The following IL1RAPL2 variants were observed in gnomAD, a reference collection of about 807,000 sequenced individuals.
IL1RAPL2 encodes interleukin 1 receptor accessory protein like 2.
In IL1RAPL2, 3 loss-of-function variants were observed where a neutral mutation model predicts 44.1. The observed-to-expected ratio is 0.07, with a 90% CI of 0.03 to 0.18. The LOEUF (loss-of-function observed/expected upper bound fraction) is 0.18. Among genes scored for constraint, IL1RAPL2 ranks in the 10% least tolerant of loss-of-function variants. The pLI is 1.00. For missense variants in IL1RAPL2, 391 were observed against 496.4 expected (o/e 0.79, Z 2.02); for synonymous variants, 181 against 178.8 (o/e 1.01, Z -0.10).
intron 6 of IL1RAPL2, among the ~76,000 whole-genome samples, chrX:105,670,928 TA>T (rs1404118198): frequency 9.4e-6 from 1 of 106,740 alleles, no homozygotes; most frequent in Admixed American, 1.0e-4. Context: ...CATATATACA[TA>T]ATATATAATA....
chrX:105,472,628 G>A (rs2036172531), intron 5 of IL1RAPL2, among the ~76,000 whole-genome samples: 1 of 111,478 alleles, frequency 9.0e-6, no homozygotes, highest in South Asian at 3.7e-4. Flanking sequence ...TTGGAACTAT[G>A]AGCAGTCATA....
intron 6 of IL1RAPL2, among the ~76,000 whole-genome samples, chrX:105,523,521 G>T (rs1248210680): frequency 9.0e-6 from 1 of 111,333 alleles, no homozygotes; most frequent in Non-Finnish European, 1.9e-5. Flanking sequence ...GTAATAATTG[G>T]TATTTGTTTT....
chrX:104,601,280 C>T (rs1444770005), intron 1 of IL1RAPL2, among the ~76,000 whole-genome samples: 1 of 110,025 alleles, frequency 9.1e-6, no homozygotes, highest in African/African-American at 3.3e-5. Context: ...CTCCCCCTCC[C>T]CCTACCCCAC....
chrX:105,171,243 G>A (rs940824146), intron 2 of IL1RAPL2, among the ~76,000 whole-genome samples: 1 of 110,996 alleles, frequency 9.0e-6, no homozygotes, highest in Non-Finnish European at 1.9e-5. Context: ...ACAACACTTC[G>A]AGTAGGTATC....
intron 5 of IL1RAPL2, among the ~76,000 whole-genome samples, chrX:105,397,267 C>T (rs2035570550): frequency 1.8e-5 from 2 of 110,608 alleles, no homozygotes; most frequent in South Asian, 7.8e-4. Flanking sequence ...ACACTTGAGT[C>T]ATTCTGAAAC....
At chrX:105,114,245 A>T (rs1163989261) in intron 2 of IL1RAPL2, among the ~76,000 whole-genome samples, 1 of 111,667 alleles carries the variant, frequency 9.0e-6, no homozygotes, top group Non-Finnish European at 1.9e-5. Context: ...TCTGTGGGGG[A>T]GGAAGCCCTC....
intron 2 of IL1RAPL2, among the ~76,000 whole-genome samples, chrX:104,752,289 G>T (rs1241553975): frequency 9.1e-6 from 1 of 110,485 alleles, no homozygotes; most frequent in Non-Finnish European, 1.9e-5. Flanking sequence ...GAGTGTGTGT[G>T]TGTGTGTGTG....
rs748195238 is a variant in IL1RAPL2, at chrX:105,318,092, C to T, written c.697+50551C>T. On this transcript the variant is annotated intron_variant, in intron 5 of 10. Transcript: ENST00000372582. ...GGTTCACGCCATTCTCCTGCCTCAG[C>T]CTCCCGAGTAGCTGGGACTACAGGC... Among the ~76,000 whole-genome samples the T allele has an allele frequency of 1.1e-4, 12 of 109,780 alleles. No homozygotes were observed. The South Asian group carries it at 4.0e-3, about 36-fold the overall frequency.
At chrX:104,713,974 G>C (rs1192619205) in intron 2 of IL1RAPL2, among the ~76,000 whole-genome samples, 4 of 110,934 alleles carry the variant, frequency 3.6e-5, no homozygotes, top group African/African-American at 1.3e-4. Context: ...TGAATAATAG[G>C]GATATATACA....
Position 104,983,561 on chromosome X carries a change from ATATAT to A in IL1RAPL2, c.83-211904_83-211900del, listed in dbSNP as rs1389422199. On this transcript the variant is annotated intron_variant, in intron 2 of 10. Coordinates refer to ENST00000372582, the MANE Select transcript of IL1RAPL2 (RefSeq NM_017416.2). ...TATAATATTATATTATAGACATATT[ATATAT>A]TATATTATAGACATAATATATAATA... is the stretch of plus-strand genomic sequence containing the variant. Among the ~76,000 whole-genome samples, 261 of 81,979 alleles carry A rather than the reference ATATAT, an allele frequency of 3.2e-3. 2 individuals are homozygous for A. The highest frequency in any genetic ancestry group is 0.01 in the African/African-American group (243 of 23,186). 71.2% of individuals were successfully genotyped at this position (81,979 alleles called of 115,157 possible). A position where few individuals can be genotyped will look rare whatever the true frequency, so the allele number is the denominator to read the frequency against.
intron 2 of IL1RAPL2, among the ~76,000 whole-genome samples, chrX:104,706,045 G>T (rs1931359003): frequency 9.0e-6 from 1 of 111,239 alleles, no homozygotes. Flanking sequence ...CAAGCTATAA[G>T]AACAAAGTCA....
intron 2 of IL1RAPL2, among the ~76,000 whole-genome samples, chrX:105,004,274 A>G (rs1048094127): frequency 9.0e-6 from 1 of 110,702 alleles, no homozygotes; most frequent in African/African-American, 3.3e-5. Flanking sequence ...CAGTCTGAAG[A>G]GTGGGTTAAA....
At chrX:105,077,555 G>A (rs1228798541) in intron 2 of IL1RAPL2, among the ~76,000 whole-genome samples, 2 of 110,805 alleles carry the variant, frequency 1.8e-5, no homozygotes, top group Non-Finnish European at 3.8e-5. Context: ...TATCTTTGTG[G>A]CGTTCTCTGT....
At chrX:105,266,394 C>T (rs1169843068) in intron 4 of IL1RAPL2, among the ~76,000 whole-genome samples, 1 of 111,312 alleles carries the variant, frequency 9.0e-6, no homozygotes, top group African/African-American at 3.3e-5. Flanking sequence ...CTATCCCCTA[C>T]GCCTTGACTG....
intron 2 of IL1RAPL2, among the ~76,000 whole-genome samples, chrX:105,172,615 C>T (rs1430477077): frequency 9.0e-6 from 1 of 111,383 alleles, no homozygotes; most frequent in Non-Finnish European, 1.9e-5. Context: ...ACATAGAGTC[C>T]CTATTGTACC....
In IL1RAPL2 at chrX:104,892,557, A is replaced by G. The variant is rs138991902; in HGVS notation, c.82+233562A>G. ...GCACAGGAATTTATCCATTTCTTCTAGATTTTCTAGTTTATTTGTGTTAGA... is the reference window on the plus strand; with the variant it reads ...GCACAGGAATTTATCCATTTCTTCTGGATTTTCTAGTTTATTTGTGTTAGA... On this transcript the variant is annotated intron_variant, in intron 2 of 10. Coordinates refer to ENST00000372582, the MANE Select transcript of IL1RAPL2 (RefSeq NM_017416.2). 6.4e-3 allele frequency among the ~76,000 whole-genome samples: 721 copies of G among 111,791 alleles called. 3 individuals carry two copies. The highest frequency in any genetic ancestry group is 0.022 in the African/African-American group (685 of 30,744).
chrX:104,735,392 A>G (rs760540506), intron 2 of IL1RAPL2, among the ~76,000 whole-genome samples: 2 of 111,008 alleles, frequency 1.8e-5, no homozygotes, highest in Non-Finnish European at 3.8e-5. Context: ...TGATGAACCT[A>G]CCTCATTGTC....
intron 6 of IL1RAPL2, among the ~76,000 whole-genome samples, chrX:105,605,665 A>G (rs1019047547): frequency 8.9e-6 from 1 of 111,860 alleles, no homozygotes; most frequent in African/African-American, 3.2e-5. Flanking sequence ...AAAAGAACAA[A>G]GTTGGAGGCA....
intron 2 of IL1RAPL2, among the ~76,000 whole-genome samples, chrX:104,926,681 G>C (rs182211450): frequency 1.9e-4 from 21 of 112,025 alleles, no homozygotes; most frequent in African/African-American, 6.1e-4. Flanking sequence ...CATCATATAA[G>C]GATGTTTTCA....
Sources: allele counts gnomAD v4.1 joint callset (sites outside exome capture counted in the v4.1 genomes callset), GRCh38; gene constraint gnomAD v4.1.1; transcripts MANE v1.5; gene names NCBI Gene and HGNC (gene_info 2026-07-23, HGNC 2026-07-21).